The following CCHCR1 variants were observed in gnomAD, a reference collection of about 807,000 sequenced individuals.
The protein encoded by CCHCR1 is coiled-coil alpha-helical rod protein 1.
A neutral mutation model predicts 114.6 loss-of-function variants in CCHCR1; 91 were observed. The ratio of observed to expected loss-of-function variants is 0.79; its 90% CI spans 0.67 to 0.94. The LOEUF (loss-of-function observed/expected upper bound fraction) is 0.94. Among genes scored for constraint, CCHCR1 ranks in the 40% least tolerant of loss-of-function variants. The pLI, the probability that CCHCR1 is intolerant of heterozygous loss-of-function variation, is 0.00. For missense variants in CCHCR1, 899 were observed against 1,079.9 expected (o/e 0.83, Z 2.35); for synonymous variants, 379 against 428.5 (o/e 0.88, Z 1.43).
intron 4 of CCHCR1, among the ~76,000 whole-genome samples, chr6:31,153,860 G>T (rs1419633890): frequency 1.3e-5 from 2 of 152,224 alleles, no homozygotes; most frequent in Non-Finnish European, 2.9e-5. Flanking sequence ...TTACAGGCGT[G>T]AGCCACTGCG....
At chr6:31,145,847 C>T (rs2151005028) in intron 10 of CCHCR1, 39 bp from the exon 11 acceptor site, 1 of 1,274,354 alleles carries the variant, frequency 7.8e-7, no homozygotes, top group African/African-American at 1.5e-5. Context: ...CATGCCTCCC[C>T]TCATTCCCAA....
rs946766056 is a variant in CCHCR1 at position 31,143,474 on chromosome 6, C to A, written c.2168-61G>T. ...GAGTCAGGCCAGAGGCAGCCAGGCA[C>A]CATGAAGACAGGAACAAACGCTGGG... On this transcript the variant is annotated intron_variant, in intron 15 of 17. Transcript: ENST00000396268. The surrounding 1 kb of genome is among the most constrained non-coding windows in gnomAD (Gnocchi z 5.3). 1 of 1,578,342 alleles carries A rather than the reference C, an allele frequency of 6.3e-7. No individual in the cohort carries two copies. The highest frequency in any genetic ancestry group is 8.6e-7 in the Non-Finnish European group (1 of 1,160,220).
intron 4 of CCHCR1, among the ~76,000 whole-genome samples, chr6:31,152,313 T>A (rs1440584765): frequency 6.6e-6 from 1 of 151,278 alleles, no homozygotes; most frequent in African/African-American, 2.4e-5. Context: ...TTTCAACGGT[T>A]GCTTATTACT....
At position 31,157,411 on chromosome 6, in the gene CCHCR1, TG is replaced by T; in HGVS notation, c.189del (p.Ser63ArgfsTer7). The T allele has an allele frequency of 6.2e-7, 1 of 1,613,050 alleles. No homozygotes were observed. On this transcript the variant is annotated frameshift_variant, in exon 1 of 18. Transcript: ENST00000396268. LOFTEE classifies it high-confidence loss of function. ...CTCCTCCTTAAGTTTCTATGGTCCC[TG>T]CTGCTCCTGGCCAGAGGTGAGAAAG... Reference protein sequence around the residue: ...VPPFSPLARSSRDHRNLRRRG... With the variant: ...VPPFSPLARSXRDHRNLRRRG...
Position 31,145,720 on chromosome 6 carries a change from C to G in CCHCR1, c.1669G>C (p.Val557Leu), listed in dbSNP as rs918127064. The G allele has an allele frequency of 4.3e-6, 7 of 1,613,722 alleles. No individual in the cohort carries two copies. Among genetic ancestry groups the G allele is most frequent in the Non-Finnish European group, 5.9e-6 (7 of 1,179,872 alleles). Residue 557 changes from valine (V) to leucine (L), a missense_variant, in exon 11 of 18, where the codon GTC (valine) becomes CTC (leucine). Physicochemically the swap from Val to Leu is conservative, Grantham distance 32. Transcript: ENST00000396268. ...CCCCGAATGGTGTGGACCTTGCGGA[C>G]AGCATAGCTGAGTCGGTTGTTGAGG... The part of the protein sequence containing the change: ...PSLNNRLSYA[V>L]RKVHTIRGLI...
At position 31,156,917 on chromosome 6, in the gene CCHCR1, T is replaced by C. The variant is rs1776099437; in HGVS notation, c.311A>G (p.His104Arg). Reference protein sequence around the residue: ...SGSTGLIPPSHFQARPLSTLP... With the variant: ...SGSTGLIPPSRFQARPLSTLP... ...AGTTGAAAGGGGCCGAGCTTGAAAG[T>C]GGGAGGGGGGAATCAGCCCAGTGGA... is the stretch of plus-strand genomic sequence containing the variant. The change falls in exon 3 of 18, where the codon CAC (histidine) becomes CGC (arginine). Residue 104 changes from histidine to arginine, a missense_variant. Transcript: ENST00000396268. 1.2e-6 allele frequency: 2 copies of C among 1,612,560 alleles called. No homozygotes were observed. The highest frequency in any genetic ancestry group is 1.7e-6 in the Non-Finnish European group (2 of 1,179,958).
rs772782494 is a variant in CCHCR1, at chr6:31,148,486, G to C, written c.1499C>G (p.Ala500Gly). 1.4e-5 allele frequency: 23 copies of C among 1,612,662 alleles called. No individual in the cohort carries two copies. The highest frequency in any genetic ancestry group is 1.9e-5 in the Non-Finnish European group (22 of 1,179,790). Residue 500 changes from alanine to glycine, a missense_variant, in exon 10 of 18, where the codon GCT (alanine) becomes GGT (glycine). Transcript: ENST00000396268. The part of the protein sequence containing the change: ...AKGLQLELSR[A>G]QEARRRWQQQ... ...CTGCCACCGACGCCTGGCCTCCTGA[G>C]CACGGCTCAGCTCCAACTGCAGGCC...
chr6:31,147,453 A>T (rs1774517758), intron 10 of CCHCR1, among the ~76,000 whole-genome samples: 1 of 151,362 alleles, frequency 6.6e-6, no homozygotes, highest in Non-Finnish European at 1.5e-5. Context: ...CTCAGTGTCT[A>T]AGGCTGAGGG....
rs1404846964 is a variant in CCHCR1, at chr6:31,154,608, G to T, written c.689C>A (p.Ala230Asp). 1.4e-5 allele frequency: 22 copies of T among 1,612,870 alleles called. No individual in the cohort carries two copies. The highest frequency in any genetic ancestry group is 1.9e-5 in the Non-Finnish European group (22 of 1,180,042). Reference protein sequence around the residue: ...ALARAEKAGRAEAEGLRAALA... With the variant: ...ALARAEKAGRDEAEGLRAALA... ...AGCAGCACGCAGGCCCTCAGCCTCAGCTCGGCCGGCCTTCTCCGCCCGTGC... is the reference window on the plus strand; with the variant it reads ...AGCAGCACGCAGGCCCTCAGCCTCATCTCGGCCGGCCTTCTCCGCCCGTGC... The change falls in exon 4 of 18, where the codon GCT becomes GAT. Residue 230 changes from alanine (A) to aspartate (D), a missense_variant. Ala to Asp is a moderately radical substitution (Grantham distance 126, BLOSUM62 -2). Transcript: ENST00000396268. This position sits in a 1 kb window ranked among gnomAD's most constrained non-coding sequence, Gnocchi z 4.1.
intron 1 of CCHCR1, 127 bp downstream of exon 1, chr6:31,157,258 T>C (rs1776163219): frequency 1.9e-6 from 2 of 1,030,556 alleles, no homozygotes; most frequent in East Asian, 5.0e-5. Flanking sequence ...ATTCACTTGC[T>C]TGTCTCAACC....
chr6:31,149,870 AT>A (rs1470379012), intron 8 of CCHCR1, among the ~76,000 whole-genome samples, 195 bp downstream of exon 8: 1 of 152,184 alleles, frequency 6.6e-6, no homozygotes, highest in Non-Finnish European at 1.5e-5. Flanking sequence ...CGCACATATA[AT>A]TACCCAACAT....
chr6:31,145,263 CT>C lies in CCHCR1; in HGVS notation c.1778del (p.Glu593GlyfsTer18). 2 of 1,614,062 alleles carry C rather than the reference CT, an allele frequency of 1.2e-6. No homozygotes were observed. The highest frequency in any genetic ancestry group is 1.7e-6 in the Non-Finnish European group (2 of 1,180,008). Reference sequence around the variant, plus strand: ...TCCGTTCTTCCCGCAACTGCTGCAACTCAAGGCTCACGTCTGTGACCGGTGG... The same window carrying C: ...TCCGTTCTTCCCGCAACTGCTGCAACCAAGGCTCACGTCTGTGACCGGTGG... ...LPPPVTDVSLELQQLREERNR... is the reference protein window; with the variant it reads ...LPPPVTDVSLXLQQLREERNR... On this transcript the variant is annotated frameshift_variant, in exon 13 of 18. Transcript: ENST00000396268. LOFTEE classifies it high-confidence loss of function.
chr6:31,154,828 C>A lies in CCHCR1; in HGVS notation c.498-29G>T. On this transcript the variant is annotated intron_variant, in intron 3 of 17. Coordinates refer to ENST00000396268, the MANE Select transcript of CCHCR1 (RefSeq NM_001105564.2). The surrounding 1 kb of genome is among the most constrained non-coding windows in gnomAD (Gnocchi z 4.1). ...CAAAGACAGGTTAGTGCAGGTGAGACTTGTCTCCAGTGCTGGAAGGATAGT... is the reference window on the plus strand; with the variant it reads ...CAAAGACAGGTTAGTGCAGGTGAGAATTGTCTCCAGTGCTGGAAGGATAGT... 1.9e-6 allele frequency: 3 copies of A among 1,571,178 alleles called. No individual in the cohort carries two copies. The highest frequency in any genetic ancestry group is 1.3e-5 in the African/African-American group (1 of 74,318).
rs201306449 is a variant in CCHCR1, at chr6:31,150,484, C to T, written c.1183G>A (p.Ala395Thr). The change falls in exon 7 of 18, where the codon GCC becomes ACC. Residue 395 changes from alanine to threonine, a missense_variant. Coordinates refer to ENST00000396268, the MANE Select transcript of CCHCR1 (RefSeq NM_001105564.2). The surrounding 1 kb of genome is among the most constrained non-coding windows in gnomAD (Gnocchi z 5.3). Reference protein sequence around the residue: ...VRVQSLTHILALQEEELTRKV... With the variant: ...VRVQSLTHILTLQEEELTRKV... Reference sequence around the variant, plus strand: ...CTGGTCAGCTCCTCCTCCTGCAGGGCGAGGATGTGTGTGAGGCTCTGCACC... The same window carrying T: ...CTGGTCAGCTCCTCCTCCTGCAGGGTGAGGATGTGTGTGAGGCTCTGCACC... 18 of 1,612,444 alleles carry T rather than the reference C, an allele frequency of 1.1e-5. No individual in the cohort carries two copies. Among genetic ancestry groups the T allele is most frequent in the Non-Finnish European group, 1.4e-5 (16 of 1,179,782 alleles).
In CCHCR1 at chr6:31,150,363, C is replaced by A; in HGVS notation, c.1212+92G>T. On this transcript the variant is annotated intron_variant, in intron 7 of 17. Transcript: ENST00000396268. The surrounding 1 kb of genome is among the most constrained non-coding windows in gnomAD (Gnocchi z 5.3). ...AAGGAGATCTAAGCAGGTTCTGGGG[C>A]ACATTGACCCCTCCTGCCCACAGGG... 1 of 1,336,702 alleles carries A rather than the reference C, an allele frequency of 7.5e-7. No individual in the cohort carries two copies. 82.8% of individuals were successfully genotyped at this position (1,336,702 alleles called of 1,614,324 possible). A position where few individuals can be genotyped will look rare whatever the true frequency, so the allele number is the denominator to read the frequency against.
At chr6:31,153,652 T>G (rs1775580525) in intron 4 of CCHCR1, among the ~76,000 whole-genome samples, 1 of 152,122 alleles carries the variant, frequency 6.6e-6, no homozygotes, top group African/African-American at 2.4e-5. Flanking sequence ...CAGTCTCGGC[T>G]CACTGCAACC....
In CCHCR1 at chr6:31,142,994, T is replaced by C; in HGVS notation, c.2460A>G (p.Ala820=). ...PPECSASAPV[A]AAVPTRESIK... Reference sequence around the variant, plus strand: ...TGGACTCCCTGGTGGGCACTGCTGCTGCTACAGGTGCAGATGCTGAACACT... The same window carrying C: ...TGGACTCCCTGGTGGGCACTGCTGCCGCTACAGGTGCAGATGCTGAACACT... The change falls in exon 17 of 18, where the codon GCA becomes GCG. Residue 820 remains alanine, a synonymous_variant. Transcript: ENST00000396268. 6.2e-7 allele frequency: 1 copy of C among 1,613,032 alleles called. No individual in the cohort carries two copies.
chr6:31,153,450 T>TC (rs1218217279), intron 4 of CCHCR1, among the ~76,000 whole-genome samples: 1 of 152,196 alleles, frequency 6.6e-6, no homozygotes, highest in Non-Finnish European at 1.5e-5. Flanking sequence ...TTCCTAATGT[T>TC]CATGTTATAA....
Position 31,145,169 on chromosome 6 carries a change from G to A in CCHCR1, c.1873C>T (p.Gln625Ter), listed in dbSNP as rs1236486702. Residue 625 changes from glutamine to a stop codon, truncating the protein, a stop_gained, in exon 13 of 18, where the codon CAA becomes TAA. Transcript: ENST00000396268. LOFTEE classifies it high-confidence loss of function. ...ACCCCCTGGCAACCAGGTGTACCTT[G>A]CTCCCGAGCCCGGCCCACCTCCTGC... ...IQQEVGRARE[Q>*]GEAERQQLSK... 1.2e-6 allele frequency: 2 copies of A among 1,612,382 alleles called. No individual in the cohort carries two copies. The highest frequency in any genetic ancestry group is 1.7e-5 in the Admixed American group (1 of 60,016).
Sources: allele counts gnomAD v4.1 joint callset (sites outside exome capture counted in the v4.1 genomes callset), GRCh38; gene constraint gnomAD v4.1.1; non-coding constraint Gnocchi (gnomAD v3.1); transcripts MANE v1.5; gene names NCBI Gene and HGNC (gene_info 2026-07-23, HGNC 2026-07-21).